The following FAM13C variants were observed in gnomAD, a reference collection of about 807,000 sequenced individuals.
The protein encoded by FAM13C is protein FAM13C.
A neutral mutation model predicts 73.2 loss-of-function variants in FAM13C; 37 were observed. The ratio of observed to expected loss-of-function variants is 0.51; its 90% CI spans 0.39 to 0.67. The LOEUF is 0.67. Ranked by LOEUF, FAM13C falls within the 30% of genes least tolerant of loss-of-function variation. The pLI is 0.00. For missense variants in FAM13C, 589 were observed against 715.6 expected (o/e 0.82, Z 2.02); for synonymous variants, 246 against 260.9 (o/e 0.94, Z 0.55).
chr10:59,284,934 A>G (rs934641578), intron 5 of FAM13C, among the ~76,000 whole-genome samples: 1 of 151,922 alleles, frequency 6.6e-6, no homozygotes, highest in Non-Finnish European at 1.5e-5. Flanking sequence ...TCACATAGAC[A>G]TCTATCCAAC....
rs73299234 is a variant in FAM13C, at chr10:59,325,474, C to A, written c.325-1368G>T. Reference sequence around the variant, plus strand: ...AAGCCTCCAGCTTCAGATAAGAAGACACTCCACATGAAAAGTTTCCATTAG... The same window carrying A: ...AAGCCTCCAGCTTCAGATAAGAAGAAACTCCACATGAAAAGTTTCCATTAG... On this transcript the variant is annotated intron_variant, in intron 3 of 13. Transcript: ENST00000618804. Among the ~76,000 whole-genome samples the A allele has an allele frequency of 6.1e-3, 936 of 152,284 alleles. 12 individuals are homozygous for A. Among genetic ancestry groups the A allele is most frequent in the African/African-American group, 0.021 (881 of 41,552 alleles).
intron 4 of FAM13C, among the ~76,000 whole-genome samples, chr10:59,311,645 A>G (rs1848932553): frequency 5.3e-5 from 8 of 152,100 alleles, no homozygotes; most frequent in Non-Finnish European, 1.5e-5. Context: ...TCTGCCTCAA[A>G]GTTTTTTGCC....
chr10:59,256,678 A>C (rs1267307154), intron 10 of FAM13C, among the ~76,000 whole-genome samples: 1 of 152,158 alleles, frequency 6.6e-6, no homozygotes, highest in Non-Finnish European at 1.5e-5. Flanking sequence ...TGCCTGAGGA[A>C]GGTTAGTAGT....
At chr10:59,321,934 A>C (rs147266101) in intron 4 of FAM13C, among the ~76,000 whole-genome samples, 1 of 152,176 alleles carries the variant, frequency 6.6e-6, no homozygotes, top group African/African-American at 2.4e-5. Context: ...CACTGCCCCA[A>C]AGAAGGTGGT....
intron 4 of FAM13C, among the ~76,000 whole-genome samples, chr10:59,320,359 G>A (rs1850058723): frequency 6.6e-6 from 1 of 152,156 alleles, no homozygotes. Flanking sequence ...TAAGGCCAAG[G>A]AATATAATAT....
At chr10:59,310,168 A>T (rs546065608) in intron 4 of FAM13C, among the ~76,000 whole-genome samples, 2 of 152,340 alleles carry the variant, frequency 1.3e-5, no homozygotes, top group South Asian at 2.1e-4. Context: ...GACTCCCATC[A>T]CATCTTCAGA....
intron 11 of FAM13C, 68 bp downstream of exon 11, chr10:59,254,280 A>G (rs753183231): frequency 5.8e-6 from 6 of 1,035,584 alleles, no homozygotes; most frequent in Non-Finnish European, 7.0e-6. Context: ...TAACTCTTGT[A>G]CTACTATGTG....
Position 59,359,250 on chromosome 10 carries a change from C to T in FAM13C, c.62+3149G>A, listed in dbSNP as rs114090017. ...GATCCCAAGGCCTCAATCGGTGAAG[C>T]CTGGATTGTTTCTGCTCCACCACAT... On this transcript the variant is annotated intron_variant, in intron 1 of 13. Coordinates refer to ENST00000618804, the MANE Select transcript of FAM13C (RefSeq NM_198215.4). 6.4e-3 allele frequency among the ~76,000 whole-genome samples: 975 copies of T among 152,266 alleles called. 9 individuals carry two copies. The highest frequency in any genetic ancestry group is 0.022 in the African/African-American group (913 of 41,546).
intron 4 of FAM13C, among the ~76,000 whole-genome samples, chr10:59,307,260 C>A (rs970172486): frequency 3.3e-5 from 5 of 152,036 alleles, no homozygotes; most frequent in African/African-American, 1.2e-4. Flanking sequence ...TGATGGTGTA[C>A]AGTGGCCACA....
intron 10 of FAM13C, among the ~76,000 whole-genome samples, chr10:59,260,807 G>A (rs541837168): frequency 6.6e-6 from 1 of 152,050 alleles, no homozygotes; most frequent in East Asian, 1.9e-4. Context: ...AAATCTTTTT[G>A]CAAATGAACT....
At chr10:59,254,157 C>G (rs1589343999) in intron 11 of FAM13C, 191 bp downstream of exon 11, 1 of 400,646 alleles carries the variant, frequency 2.5e-6, no homozygotes, top group East Asian at 3.6e-5. Flanking sequence ...TACAATAGTT[C>G]TAATATCAGC....
At chr10:59,307,958 A>G (rs1049574077) in intron 4 of FAM13C, among the ~76,000 whole-genome samples, 1 of 152,162 alleles carries the variant, frequency 6.6e-6, no homozygotes, top group Non-Finnish European at 1.5e-5. Context: ...GTAGCTAGCC[A>G]TCTCAAACTC....
At chr10:59,312,675 C>G (rs971008507) in intron 4 of FAM13C, among the ~76,000 whole-genome samples, 2 of 152,180 alleles carry the variant, frequency 1.3e-5, no homozygotes, top group Non-Finnish European at 2.9e-5. Context: ...GGTACATTCT[C>G]TCTGCAGTTC....
At chr10:59,257,765 G>A (rs982064351) in intron 10 of FAM13C, among the ~76,000 whole-genome samples, 2 of 152,326 alleles carry the variant, frequency 1.3e-5, no homozygotes, top group African/African-American at 4.8e-5. Context: ...GGTCAATTTA[G>A]ATGTTCAAGC....
intron 13 of FAM13C, among the ~76,000 whole-genome samples, chr10:59,250,744 T>A (rs1014646705): frequency 3.9e-5 from 6 of 152,100 alleles, no homozygotes; most frequent in Non-Finnish European, 8.8e-5. Flanking sequence ...GAATAATGAG[T>A]TTAATCTCAT....
At chr10:59,362,099 A>G (rs1452242305) in intron 1 of FAM13C, among the ~76,000 whole-genome samples, 1 of 152,170 alleles carries the variant, frequency 6.6e-6, no homozygotes, top group African/African-American at 2.4e-5. Flanking sequence ...AAAGCTTCCT[A>G]ACACATCAAA....
chr10:59,263,390 T>A (rs962432843), intron 9 of FAM13C, among the ~76,000 whole-genome samples: 5 of 152,210 alleles, frequency 3.3e-5, no homozygotes, highest in Non-Finnish European at 7.3e-5. Flanking sequence ...CATTGCATAT[T>A]TTATAAACCT....
chr10:59,325,452 C>G (rs1471816743), intron 3 of FAM13C, among the ~76,000 whole-genome samples: 4 of 152,136 alleles, frequency 2.6e-5, no homozygotes, highest in Admixed American at 6.6e-5. Flanking sequence ...TTCTTTGAAG[C>G]CTCCAGCTTC....
At chr10:59,361,845 G>A (rs1286144156) in intron 1 of FAM13C, among the ~76,000 whole-genome samples, 1 of 151,992 alleles carries the variant, frequency 6.6e-6, no homozygotes, top group Non-Finnish European at 1.5e-5. Flanking sequence ...TTAACCATAG[G>A]ACTAGGTGAC....
Sources: gnomAD v4.1 joint callset for allele counts (sites outside exome capture counted in the v4.1 genomes callset) on GRCh38, gnomAD v4.1.1 for gene constraint, MANE v1.5 for transcripts, NCBI Gene and HGNC (gene_info 2026-07-23, HGNC 2026-07-21) for gene names.